The following HPSE2 variants were observed in gnomAD, a reference collection of about 807,000 sequenced individuals.
The protein encoded by HPSE2 is inactive heparanase-2.
A neutral mutation model predicts 60.5 loss-of-function variants in HPSE2; 38 were observed. The observed-to-expected ratio is 0.63, with a 90% CI of 0.48 to 0.82. The LOEUF (loss-of-function observed/expected upper bound fraction) is 0.82, where lower values mean the gene tolerates loss of function less well. Ranked by LOEUF, HPSE2 falls within the 40% of genes least tolerant of loss-of-function variation. The pLI is 0.00. For missense variants in HPSE2, 713 were observed against 740.4 expected, an observed-to-expected ratio of 0.96 and a Z score of 0.43; for synonymous variants, 295 against 293.2, an observed-to-expected ratio of 1.01 and a Z score of -0.06.
chr10:98,918,833 A>C (rs949946578), intron 3 of HPSE2, among the ~76,000 whole-genome samples: 19 of 151,938 alleles, frequency 1.3e-4, no homozygotes, highest in African/African-American at 4.6e-4. Context: ...GTATAATAAT[A>C]ATAAAAATAA....
chr10:98,496,545 C>A (rs1017856769), intron 9 of HPSE2, among the ~76,000 whole-genome samples: 4 of 152,220 alleles, frequency 2.6e-5, no homozygotes, highest in African/African-American at 9.6e-5. Context: ...CAGCTACCTG[C>A]CATAGGGCTA....
intron 3 of HPSE2, among the ~76,000 whole-genome samples, chr10:99,006,572 G>A (rs1211629741): frequency 6.6e-6 from 1 of 152,002 alleles, no homozygotes; most frequent in African/African-American, 2.4e-5. Context: ...TGGGGTCCCA[G>A]AAGCTGGCCT....
At chr10:99,106,007 T>C (rs1844233851) in intron 3 of HPSE2, among the ~76,000 whole-genome samples, 1 of 152,136 alleles carries the variant, frequency 6.6e-6, no homozygotes, top group African/African-American at 2.4e-5. Flanking sequence ...TCCATTATTA[T>C]AGTATTACAA....
At chr10:98,924,844 A>G (rs888642147) in intron 3 of HPSE2, among the ~76,000 whole-genome samples, 5 of 152,170 alleles carry the variant, frequency 3.3e-5, no homozygotes, top group African/African-American at 1.2e-4. Flanking sequence ...AGGACCCCAG[A>G]GCACTTTAGC....
At chr10:98,688,474 TTTC>T (rs1443294596) in intron 6 of HPSE2, among the ~76,000 whole-genome samples, 3,828 of 126,546 alleles carry the variant, frequency 0.03, 619 homozygotes, top group East Asian at 0.091. Context: ...TCTTTTTTTT[TTTC>T]TTTTTTTTTT....
chr10:99,129,619 G>A lies in HPSE2; in HGVS notation c.610+14619C>T, dbSNP rs78393386. ...CGTGATTCAACTTCTCAAAACCTCC[G>A]GGATACAGCTAAAGCAATGCTAAGA... On this transcript the variant is annotated intron_variant, in intron 3 of 11. Transcript: ENST00000370552. 9.2e-3 allele frequency among the ~76,000 whole-genome samples: 1,395 copies of A among 151,542 alleles called. 17 individuals are homozygous for A. Among genetic ancestry groups the A allele is most frequent in the African/African-American group, 0.031 (1,296 of 41,316 alleles).
At chr10:99,184,819 T>TATATATATATATATATAGAGAGAG (rs1554912295) in intron 2 of HPSE2, among the ~76,000 whole-genome samples, 1 of 19,858 alleles carries the variant, frequency 5.0e-5, no homozygotes, top group Non-Finnish European at 9.9e-5. Context: ...TATATATATA[T>TATATATATATATATATAGAGAGAG]AGAGAGAGAG....
intron 3 of HPSE2, among the ~76,000 whole-genome samples, chr10:98,771,638 C>T (rs1950243304): frequency 6.6e-6 from 1 of 152,108 alleles, no homozygotes. Context: ...AGATATACTC[C>T]TAGGATTGGA....
intron 3 of HPSE2, among the ~76,000 whole-genome samples, chr10:99,088,103 A>G (rs1212209120): frequency 6.6e-6 from 1 of 151,794 alleles, no homozygotes; most frequent in Non-Finnish European, 1.5e-5. Context: ...TGATACTCCC[A>G]TCAGCTTGGA....
chr10:99,069,871 T>C (rs559648219), intron 3 of HPSE2, among the ~76,000 whole-genome samples: 2 of 152,110 alleles, frequency 1.3e-5, no homozygotes, highest in African/African-American at 4.8e-5. Context: ...CTATACTTAC[T>C]TGAACAAATA....
At chr10:99,090,113 C>G (rs576118211) in intron 3 of HPSE2, among the ~76,000 whole-genome samples, 1 of 152,176 alleles carries the variant, frequency 6.6e-6, no homozygotes, top group South Asian at 2.1e-4. Flanking sequence ...ATGTCATCAG[C>G]AAACAGTGAC....
chr10:98,985,476 C>G (rs1279350390), intron 3 of HPSE2, among the ~76,000 whole-genome samples: 7 of 152,072 alleles, frequency 4.6e-5, no homozygotes, highest in African/African-American at 1.2e-4. Flanking sequence ...TGCCCTAAAA[C>G]AGCTCCTGAA....
At chr10:99,137,445 G>C (rs1845701213) in intron 3 of HPSE2, among the ~76,000 whole-genome samples, 1 of 152,104 alleles carries the variant, frequency 6.6e-6, no homozygotes, top group Non-Finnish European at 1.5e-5. Context: ...AGACAATCCT[G>C]AGCAACAAGA....
chr10:98,825,925 TTGA>T (rs1041878552), intron 3 of HPSE2, among the ~76,000 whole-genome samples: 2 of 152,248 alleles, frequency 1.3e-5, no homozygotes, highest in African/African-American at 4.8e-5. Context: ...ACCTGGATTC[TTGA>T]TGATGTCTCT....
intron 11 of HPSE2, among the ~76,000 whole-genome samples, chr10:98,474,659 T>G (rs996265654): frequency 6.6e-6 from 1 of 152,096 alleles, no homozygotes; most frequent in Non-Finnish European, 1.5e-5. Context: ...AAAAAAAAGA[T>G]GTGCATTTCT....
intron 3 of HPSE2, among the ~76,000 whole-genome samples, chr10:98,835,972 CA>C (rs1951781318): frequency 6.6e-6 from 1 of 152,122 alleles, no homozygotes; most frequent in South Asian, 2.1e-4. Context: ...AACTCGAAGA[CA>C]GGACAGTATT....
intron 3 of HPSE2, among the ~76,000 whole-genome samples, chr10:99,132,771 C>G (rs1353113356): frequency 6.6e-6 from 1 of 152,188 alleles, no homozygotes; most frequent in Non-Finnish European, 1.5e-5. Flanking sequence ...GTCCCTACCC[C>G]ACCAGTGCCC....
At chr10:98,723,591 T>A (rs1166711638) in intron 4 of HPSE2, among the ~76,000 whole-genome samples, 4 of 152,294 alleles carry the variant, frequency 2.6e-5, no homozygotes, top group African/African-American at 9.6e-5. Context: ...ATCCATCTGG[T>A]CCTGGACATT....
At chr10:99,296,841 A>C in the HPSE2 span, among the ~76,000 whole-genome samples, 1 of 152,144 alleles carries the variant, frequency 6.6e-6, no homozygotes, top group African/African-American at 2.4e-5. Context: ...CGGCAGTCAG[A>C]GATCTGCCTG....
Sources: allele counts gnomAD v4.1 joint callset (sites outside exome capture counted in the v4.1 genomes callset), GRCh38; gene constraint gnomAD v4.1.1; transcripts MANE v1.5; gene names NCBI Gene and HGNC (gene_info 2026-07-23, HGNC 2026-07-21).